OSCAR: variants seen among roughly 807,000 people sequenced by gnomAD.
OSCAR encodes osteoclast associated Ig-like receptor.
Under a neutral mutation model 27.3 loss-of-function variants are expected in OSCAR, and 25 were observed. That is an observed-to-expected ratio of 0.92 (90% CI 0.67 to 1.28). The LOEUF (loss-of-function observed/expected upper bound fraction) is 1.28, where lower values mean the gene tolerates loss of function less well. OSCAR is among the 50% of genes most tolerant of loss of function. The probability of loss-of-function intolerance (pLI) is 0.00; values close to 1 mark genes in which losing one functional copy is unlikely to be tolerated. For synonymous variants in OSCAR, 158 were observed against 165.7 expected, an observed-to-expected ratio of 0.95 and a Z score of 0.36; for missense variants, 354 against 355.1, an observed-to-expected ratio of 1.00 and a Z score of 0.03.
chr19:54,095,400 C>T (rs1315287410), intron 4 of OSCAR, 43 bp from the exon 5 acceptor site: 3 of 1,537,640 alleles, frequency 2.0e-6, no homozygotes, highest in South Asian at 2.4e-5. Flanking sequence ...GCTCCCGGAC[C>T]CCAAAGTCTG....
At chr19:54,099,341 T>A (rs916357363) in intron 2 of OSCAR, among the ~76,000 whole-genome samples, 12 of 149,466 alleles carry the variant, frequency 8.0e-5, no homozygotes, top group Admixed American at 6.8e-5. Context: ...AGTGCTGGGA[T>A]TACAGACGTT....
In OSCAR at chr19:54,096,992, C is replaced by T. The variant is rs746050497; in HGVS notation, c.243G>A (p.Glu81=). ...CCTCCTCCAGAAAGAATTCTGCCAG[C>T]TCGGAGGACACATCCCGGAAGAGAA... is the stretch of plus-strand genomic sequence containing the variant. The part of the protein sequence containing the change: ...APLLFRDVSS[E]LAEFFLEEVT... Residue 81 remains glutamate (E), a synonymous_variant, in exon 3 of 5, where the codon GAG becomes GAA. Transcript: ENST00000358375. 1 of 1,614,166 alleles carries T rather than the reference C, an allele frequency of 6.2e-7. No individual in the cohort carries two copies. The highest frequency in any genetic ancestry group is 1.7e-5 in the Admixed American group (1 of 60,020).
chr19:54,094,927 T>C lies in OSCAR; in HGVS notation c.*294A>G. 1 of 376,134 alleles carries C rather than the reference T, an allele frequency of 2.7e-6. No individual in the cohort carries two copies. The allele number at this position is 376,134 out of a possible 1,614,324, so 23.3% of individuals were successfully genotyped here. A position where few individuals can be genotyped will look rare whatever the true frequency, so the allele number is the denominator to read the frequency against. On this transcript the variant is annotated 3_prime_UTR_variant, in exon 5 of 5. Transcript: ENST00000358375. ...CAGGAAGTCCAGCTGGCTTCACGTC[T>C]CACTACTACCTTTCTGTAGCTGCTA...
At position 54,094,992 on chromosome 19, in the gene OSCAR, C is replaced by T. The variant is rs376880792; in HGVS notation, c.*229G>A. ...AGACGGCAGTGCTGGGATTCGAACC[C>T]TCTGTCTTCTGGCTTGGAAGTCTTA... is the stretch of plus-strand genomic sequence containing the variant. On this transcript the variant is annotated 3_prime_UTR_variant, in exon 5 of 5. Transcript: ENST00000358375. 32 of 608,154 alleles carry T rather than the reference C, an allele frequency of 5.3e-5. No individual in the cohort carries two copies. The Middle Eastern group carries it at 1.9e-3, about 37-fold the overall frequency. 37.7% of individuals were successfully genotyped at this position (608,154 alleles called of 1,614,324 possible).
In OSCAR at chr19:54,096,266, C is replaced by A. The variant is rs2072690111; in HGVS notation, c.374-113G>T. 6 of 965,026 alleles carry A rather than the reference C, an allele frequency of 6.2e-6. No individual in the cohort carries two copies. In the East Asian group the frequency reaches 1.8e-4, roughly 29 times the overall value. The allele number at this position is 965,026 out of a possible 1,614,324, so 59.8% of individuals were successfully genotyped here. A position where few individuals can be genotyped will look rare whatever the true frequency, so the allele number is the denominator to read the frequency against. On this transcript the variant is annotated intron_variant, in intron 3 of 4. Coordinates refer to ENST00000358375, the MANE Select transcript of OSCAR (RefSeq NM_133169.6). ...TTTCTCTGTGCCTCTCTCTCTCTTTCTGCCTCTCTTTCTCTCTGCCTGTCT... is the reference window on the plus strand; with the variant it reads ...TTTCTCTGTGCCTCTCTCTCTCTTTATGCCTCTCTTTCTCTCTGCCTGTCT...
intron 2 of OSCAR, among the ~76,000 whole-genome samples, chr19:54,099,274 A>G (rs1242328229): frequency 5.1e-5 from 6 of 117,098 alleles, no homozygotes; most frequent in Admixed American, 1.1e-4. Context: ...GGGTTTCACC[A>G]CATTAGCCAG....
At chr19:54,099,420 A>G (rs1262163772) in intron 2 of OSCAR, among the ~76,000 whole-genome samples, 3 of 151,812 alleles carry the variant, frequency 2.0e-5, no homozygotes, top group Non-Finnish European at 4.4e-5. Flanking sequence ...GGTTTTGCAC[A>G]TGTGATTTGA....
In OSCAR at chr19:54,095,843, G is replaced by A. The variant is rs1308391853; in HGVS notation, c.655+29C>T. 1.9e-6 allele frequency: 3 copies of A among 1,551,432 alleles called. No homozygotes were observed. The African/African-American group carries it at 4.1e-5, about 21-fold the overall frequency. ...CTGGGGCCTGCATTCCTGGGGCGGA[G>A]GAGGCGGGCCGGGCCTCAGGGCCCT... is the stretch of plus-strand genomic sequence containing the variant. On this transcript the variant is annotated intron_variant, in intron 4 of 4. Transcript: ENST00000358375.
Position 54,096,080 on chromosome 19 carries a change from G to C in OSCAR, c.447C>G (p.Arg149=), listed in dbSNP as rs1471360786. 1.3e-6 allele frequency: 2 copies of C among 1,535,496 alleles called. No individual in the cohort carries two copies. Among genetic ancestry groups the C allele is most frequent in the African/African-American group, 1.4e-5 (1 of 72,610 alleles). The change falls in exon 4 of 5, where the codon CGC becomes CGG. Residue 149 remains arginine, a synonymous_variant. Transcript: ENST00000358375. ...VVGPGANVSL[R]CAGRLRNMSF... ...TCATGTTCCGCAGGCGGCCCGCGCA[G>C]CGCAGGCTCACGTTGGCGCCAGGAC... is the stretch of plus-strand genomic sequence containing the variant.
Position 54,099,733 on chromosome 19 carries a change from G to A in OSCAR, c.70+15C>T, listed in dbSNP as rs587663167. The A allele has an allele frequency of 6.2e-7, 1 of 1,613,850 alleles. No individual in the cohort carries two copies. The highest frequency in any genetic ancestry group is 2.2e-5 in the East Asian group (1 of 44,874). On this transcript the variant is annotated intron_variant, in intron 2 of 4. Coordinates refer to ENST00000358375, the MANE Select transcript of OSCAR (RefSeq NM_133169.6). Reference sequence around the variant, plus strand: ...TGTCAGCAACAAAAGGAGAGTGGATGGGGTGGCTACTCACCAGACGGAGTG... The same window carrying A: ...TGTCAGCAACAAAAGGAGAGTGGATAGGGTGGCTACTCACCAGACGGAGTG...
At chr19:54,096,219 C>T (rs1176160366) in intron 3 of OSCAR, 66 bp from the exon 4 acceptor site, 103 of 1,325,810 alleles carry the variant, frequency 7.8e-5, no homozygotes, top group Non-Finnish European at 1.0e-4. Flanking sequence ...CGCTCTGTTT[C>T]TCCTTCTCCT....
chr19:54,099,580 C>A, intron 2 of OSCAR, 168 bp downstream of exon 2: 1 of 1,598,528 alleles, frequency 6.3e-7, no homozygotes, highest in Non-Finnish European at 8.6e-7. Flanking sequence ...TCCTGGTCTT[C>A]AGTACTCACC....
chr19:54,099,355 C>CA (rs2072928758), intron 2 of OSCAR, among the ~76,000 whole-genome samples: 2 of 150,536 alleles, frequency 1.3e-5, no homozygotes, highest in Non-Finnish European at 2.9e-5. Context: ...AGACGTTGGC[C>CA]ATTGCGCCCA....
At position 54,095,303 on chromosome 19, in the gene OSCAR, C is replaced by T. The variant is rs1439768026; in HGVS notation, c.710G>A (p.Gly237Glu). ...CGCGCCCAGGGAGATGAGGACCAGCCCGGCCAGCCCCAGGCGGACTAGGTT... is the reference window on the plus strand; with the variant it reads ...CGCGCCCAGGGAGATGAGGACCAGCTCGGCCAGCCCCAGGCGGACTAGGTT... ...RGNLVRLGLA[G>E]LVLISLGALV... is the part of the protein sequence containing the mutation. Residue 237 changes from glycine (G) to glutamate (E), a missense_variant, in exon 5 of 5, where the codon GGG becomes GAG. Physicochemically the swap from Gly to Glu is moderately conservative, Grantham distance 98 (BLOSUM62 -2). Coordinates refer to ENST00000358375, the MANE Select transcript of OSCAR (RefSeq NM_133169.6). 6.3e-7 allele frequency: 1 copy of T among 1,587,812 alleles called. No homozygotes were observed. The highest frequency in any genetic ancestry group is 8.6e-7 in the Non-Finnish European group (1 of 1,167,732).
intron 2 of OSCAR, 104 bp downstream of exon 2, chr19:54,099,644 G>A (rs766410345): frequency 6.2e-7 from 1 of 1,613,554 alleles, no homozygotes; most frequent in Non-Finnish European, 8.5e-7. Flanking sequence ...AGGGAGGGAG[G>A]AAAATAAGGA....
At position 54,100,609 on chromosome 19, in the gene OSCAR, G is replaced by A. The variant is rs2072997367; in HGVS notation, c.37+147C>T. ...GTGTTCTCTTGCTTTAGGACCCAGGGGTCTGGGCCCCAGCCCTGTTCTTTA... is the reference window on the plus strand; with the variant it reads ...GTGTTCTCTTGCTTTAGGACCCAGGAGTCTGGGCCCCAGCCCTGTTCTTTA... On this transcript the variant is annotated intron_variant, in intron 1 of 4. Coordinates refer to ENST00000358375, the MANE Select transcript of OSCAR (RefSeq NM_133169.6). 2.0e-5 allele frequency: 16 copies of A among 805,484 alleles called. No homozygotes were observed. The South Asian group carries it at 2.9e-4, about 15-fold the overall frequency. The allele number at this position is 805,484 out of a possible 1,614,324, so 49.9% of individuals were successfully genotyped here. A position where few individuals can be genotyped will look rare whatever the true frequency, so the allele number is the denominator to read the frequency against.
At position 54,099,798 on chromosome 19, in the gene OSCAR, A is replaced by G. The variant is rs770828369; in HGVS notation, c.38-18T>C. 4.4e-6 allele frequency: 7 copies of G among 1,590,356 alleles called. No homozygotes were observed. In the South Asian group the frequency reaches 6.9e-5, roughly 16 times the overall value. On this transcript the variant is annotated intron_variant, in intron 1 of 4. Coordinates refer to ENST00000358375, the MANE Select transcript of OSCAR (RefSeq NM_133169.6). ...CAGAGGCCCTGTAGGAGGTTGAGGG[A>G]CTAGTTTCTTTTTCCTTTTTTTTTT...
intron 2 of OSCAR, chr19:54,099,513 T>C: frequency 1.5e-6 from 2 of 1,346,554 alleles, no homozygotes; most frequent in South Asian, 2.3e-5. Flanking sequence ...TATGGTCACA[T>C]ATAAATGAAT....
intron 1 of OSCAR, 121 bp from the exon 2 acceptor site, chr19:54,099,901 C>T (rs1041819283): frequency 8.4e-7 from 1 of 1,187,566 alleles, no homozygotes; most frequent in Non-Finnish European, 1.2e-6. Context: ...CAACCTCTGC[C>T]TCCCAGGTTC....
Sources: gnomAD v4.1 joint callset for allele counts (sites outside exome capture counted in the v4.1 genomes callset) on GRCh38, gnomAD v4.1.1 for gene constraint, MANE v1.5 for transcripts, NCBI Gene and HGNC (gene_info 2026-07-23, HGNC 2026-07-21) for gene names.